The following MIOS variants were observed in gnomAD, a reference collection of about 807,000 sequenced individuals.
MIOS encodes GATOR2 complex protein MIOS.
A neutral mutation model predicts 96.9 loss-of-function variants in MIOS; 52 were observed. That is an observed-to-expected ratio of 0.54 (90% CI 0.43 to 0.68). The LOEUF (loss-of-function observed/expected upper bound fraction) is 0.68. Ranked by LOEUF, MIOS falls within the 30% of genes least tolerant of loss-of-function variation. The pLI, the probability that MIOS is intolerant of heterozygous loss-of-function variation, is 0.00. For synonymous variants in MIOS, 397 were observed against 359.5 expected (o/e 1.10, Z -1.18); for missense variants, 1,005 against 1,052.8 (o/e 0.95, Z 0.63).
intron 12 of MIOS, 136 bp downstream of exon 12, chr7:7,606,207 AAGGTGGTGTG>A: frequency 8.6e-7 from 1 of 1,161,936 alleles, no homozygotes; most frequent in Admixed American, 2.3e-5. Flanking sequence ...CATGTTAACA[AAGGTGGTGTG>A]AACATGTCGT....
chr7:7,593,718 A>ACC (rs58339655), intron 9 of MIOS, among the ~76,000 whole-genome samples: 1 of 150,886 alleles, frequency 6.6e-6, no homozygotes, highest in Non-Finnish European at 1.5e-5. Flanking sequence ...ACATGGTGAA[A>ACC]CCCCATCTCT....
chr7:7,579,554 A>G (rs1235792575), intron 5 of MIOS, among the ~76,000 whole-genome samples: 1 of 152,220 alleles, frequency 6.6e-6, no homozygotes, highest in East Asian at 1.9e-4. Context: ...AACTTGCTAT[A>G]AAGCAGAGGT....
chr7:7,568,449 G>C (rs139532257), intron 3 of MIOS, among the ~76,000 whole-genome samples: 1 of 152,232 alleles, frequency 6.6e-6, no homozygotes, highest in Non-Finnish European at 1.5e-5. Flanking sequence ...ATGTTCATGA[G>C]CAAGGAACTG....
chr7:7,593,719 C>T (rs1784113870), intron 9 of MIOS, among the ~76,000 whole-genome samples: 1 of 95,154 alleles, frequency 1.1e-5, no homozygotes, highest in Admixed American at 8.8e-5. Flanking sequence ...CATGGTGAAA[C>T]CCCATCTCTA....
chr7:7,566,919 A>AGGCGTGGTGGTGGG lies in MIOS; in HGVS notation c.-372_-359dup, dbSNP rs1345986248. 2 of 152,070 alleles carry AGGCGTGGTGGTGGG rather than the reference A, an allele frequency of 1.3e-5. No individual in the cohort carries two copies. The highest frequency in any genetic ancestry group is 2.4e-5 in the African/African-American group (1 of 41,422). 9.4% of individuals were successfully genotyped at this position (152,070 alleles called of 1,614,324 possible). On this transcript the variant is annotated 5_prime_UTR_variant, in exon 1 of 13. Transcript: ENST00000340080. The stretch of plus-strand genomic sequence containing the variant: ...GCCGAGGCGCCGCTGCGCGTCCTCC[A>AGGCGTGGTGGTGGG]GGCGTGGTGGTGGGGTCGTGGGTCC...
chr7:7,603,703 T>C (rs1302407803), intron 11 of MIOS, among the ~76,000 whole-genome samples: 2 of 152,288 alleles, frequency 1.3e-5, no homozygotes. Flanking sequence ...CCAGCCATTC[T>C]ATTACTGGGT....
chr7:7,576,322 G>A (rs1473752349), intron 5 of MIOS, among the ~76,000 whole-genome samples: 1 of 152,202 alleles, frequency 6.6e-6, no homozygotes, highest in East Asian at 1.9e-4. Flanking sequence ...CATGGAGATT[G>A]AGCAGGATCA....
At chr7:7,593,880 AAAAAAAAAAAAAAAAG>A (rs1784120825) in intron 9 of MIOS, among the ~76,000 whole-genome samples, 1 of 99,168 alleles carries the variant, frequency 1.0e-5, no homozygotes, top group South Asian at 3.4e-4. Context: ...CTCTGTCTCC[AAAAAAAAAAAAAAAAG>A]AAAAAGAAAA....
intron 9 of MIOS, 85 bp downstream of exon 9, chr7:7,589,648 G>T: frequency 7.0e-7 from 1 of 1,432,194 alleles, no homozygotes; most frequent in Non-Finnish European, 9.5e-7. Context: ...ATGCACTTTT[G>T]CTTGCTTAGG....
intron 11 of MIOS, among the ~76,000 whole-genome samples, chr7:7,599,877 G>A (rs1311443545): frequency 6.6e-6 from 1 of 152,178 alleles, no homozygotes; most frequent in Non-Finnish European, 1.5e-5. Context: ...GTCTTTTGCA[G>A]CAGCATGGAT....
At chr7:7,590,169 C>T (rs1784007745) in intron 9 of MIOS, among the ~76,000 whole-genome samples, 1 of 152,140 alleles carries the variant, frequency 6.6e-6, no homozygotes, top group South Asian at 2.1e-4. Context: ...TTGGTACCCT[C>T]CTCTTTCCTG....
At chr7:7,574,755 A>G (rs1199274420) in intron 5 of MIOS, among the ~76,000 whole-genome samples, 1 of 151,838 alleles carries the variant, frequency 6.6e-6, no homozygotes, top group Non-Finnish European at 1.5e-5. Context: ...ATGGTAAACT[A>G]TTAAAGAATA....
At chr7:7,595,351 G>A (rs977530491) in intron 10 of MIOS, among the ~76,000 whole-genome samples, 1 of 152,112 alleles carries the variant, frequency 6.6e-6, no homozygotes, top group Non-Finnish European at 1.5e-5. Context: ...ACAAACCACA[G>A]CAGGCCTGAA....
intron 11 of MIOS, among the ~76,000 whole-genome samples, chr7:7,597,504 ATATATATATAT>A (rs1364582345): frequency 0.11 from 7,749 of 72,864 alleles, 1,773 homozygotes; most frequent in Middle Eastern, 0.23. Flanking sequence ...ATATATATAT[ATATATATATAT>A]ATGAAGGCAA....
At chr7:7,574,316 G>GT (rs1783457026) in intron 5 of MIOS, 120 bp downstream of exon 5, 2 of 681,110 alleles carry the variant, frequency 2.9e-6, no homozygotes, top group African/African-American at 3.7e-5. Flanking sequence ...AATTTTTTTT[G>GT]TTTTCTGATT....
At chr7:7,601,910 G>A (rs189986720) in intron 11 of MIOS, among the ~76,000 whole-genome samples, 8,981 of 152,216 alleles carry the variant, frequency 0.059, 848 homozygotes, top group African/African-American at 0.21. Context: ...ATGCAAGGCT[G>A]GTTCAACATA....
Position 7,578,886 on chromosome 7 carries a change from T to C in MIOS, c.1394-4232T>C, listed in dbSNP as rs185857010. ...CCATTACACCTGGCTAATTTTTGTA[T>C]TTTTTGTAGAGACAGGGTTTTGCCA... On this transcript the variant is annotated intron_variant, in intron 5 of 12. Transcript: ENST00000340080. 1.4e-3 allele frequency among the ~76,000 whole-genome samples: 219 copies of C among 152,188 alleles called. 2 individuals carry two copies. Among genetic ancestry groups the C allele is most frequent in the African/African-American group, 5.1e-3 (213 of 41,514 alleles).
chr7:7,596,228 A>G (rs770339264), intron 10 of MIOS, 29 bp from the exon 11 acceptor site: 11 of 1,596,964 alleles, frequency 6.9e-6, no homozygotes, highest in Non-Finnish European at 8.6e-6. Context: ...TTTGCATTAC[A>G]TTTATTTTTT....
In MIOS at chr7:7,573,557, G is replaced by A; in HGVS notation, c.1082G>A (p.Ser361Asn). Reference protein sequence around the residue: ...TVFERISLAWSPITSLMWACG... With the variant: ...TVFERISLAWNPITSLMWACG... ...TTTGAAAGGATATCTCTTGCCTGGA[G>A]CCCAATTACATCTTTAATGTGGGCT... Residue 361 changes from serine to asparagine, a missense_variant, in exon 4 of 13, where the codon AGC (serine) becomes AAC (asparagine). By Grantham distance (46) the Ser-to-Asn change is conservative (BLOSUM62 1). Coordinates refer to ENST00000340080, the MANE Select transcript of MIOS (RefSeq NM_019005.4). The surrounding 1 kb of genome is among the most constrained non-coding windows in gnomAD (Gnocchi z 5.0). 6.2e-7 allele frequency: 1 copy of A among 1,614,090 alleles called. No homozygotes were observed. Among genetic ancestry groups the A allele is most frequent in the Non-Finnish European group, 8.5e-7 (1 of 1,179,928 alleles).
Sources: allele counts gnomAD v4.1 joint callset (sites outside exome capture counted in the v4.1 genomes callset), GRCh38; gene constraint gnomAD v4.1.1; non-coding constraint Gnocchi (gnomAD v3.1); transcripts MANE v1.5; gene names NCBI Gene and HGNC (gene_info 2026-07-23, HGNC 2026-07-21).